Variants in PHACTR2 observed in about 807,000 individuals in gnomAD.
PHACTR2 encodes the protein phosphatase and actin regulator 2.
Under a neutral mutation model 76.0 loss-of-function variants are expected in PHACTR2, and 30 were observed. The observed-to-expected ratio is 0.39, with a 90% CI of 0.30 to 0.54. The LOEUF (loss-of-function observed/expected upper bound fraction) is 0.54, where lower values mean the gene tolerates loss of function less well. PHACTR2 is among the 20% of genes least tolerant of loss of function. The pLI is 0.61. For missense variants in PHACTR2, 696 were observed against 781.1 expected (o/e 0.89, Z 1.30); for synonymous variants, 292 against 292.5 (o/e 1.00, Z 0.02).
At chr6:143,579,352 A>T (rs1775548378) in intron 1 of PHACTR2, among the ~76,000 whole-genome samples, 1 of 152,188 alleles carries the variant, frequency 6.6e-6, no homozygotes, top group Non-Finnish European at 1.5e-5. Context: ...TTATGGGCCA[A>T]GAGAGGTCCT....
chr6:143,596,574 C>G lies in PHACTR2; in HGVS notation c.217+59367C>G, dbSNP rs533642700. Reference sequence around the variant, plus strand: ...AGCCATCAGGCCGGGCACTGTGGCTCATGCCTGTAATCCCAGCATTATGGG... The same window carrying G: ...AGCCATCAGGCCGGGCACTGTGGCTGATGCCTGTAATCCCAGCATTATGGG... On this transcript the variant is annotated intron_variant, in intron 1 of 11. Transcript: ENST00000367584. This position sits in a 1 kb window ranked among gnomAD's most constrained non-coding sequence, Gnocchi z 4.6. 6.6e-6 allele frequency among the ~76,000 whole-genome samples: 1 copy of G among 152,300 alleles called. No homozygotes were observed. Among genetic ancestry groups the G allele is most frequent in the East Asian group, 1.9e-4 (1 of 5,188 alleles).
upstream of PHACTR2, among the ~76,000 whole-genome samples, chr6:143,604,168 G>A (rs1375301026): frequency 6.6e-6 from 1 of 151,820 alleles, no homozygotes; most frequent in Non-Finnish European, 1.5e-5. Flanking sequence ...TGAATAGGGA[G>A]CAAGCTTTCT....
intron 2 of PHACTR2, among the ~76,000 whole-genome samples, chr6:143,727,583 C>T (rs940461477): frequency 9.6e-5 from 12 of 124,544 alleles, no homozygotes; most frequent in Admixed American, 7.3e-5. Context: ...TTACCAACAC[C>T]GTGTAAGAGT....
In PHACTR2 at chr6:143,633,835, AT is replaced by A. The variant is rs1776405411; in HGVS notation, c.13+25519del. On this transcript the variant is annotated intron_variant, in intron 1 of 11. Transcript: ENST00000305766. The surrounding 1 kb of genome is among the most constrained non-coding windows in gnomAD (Gnocchi z 4.1). The stretch of plus-strand genomic sequence containing the variant: ...TTTATAAAGGTCTCTGTCTAGATTC[AT>A]TTTTTCGCATTTAGATGTCCAGTTA... 6.6e-6 allele frequency among the ~76,000 whole-genome samples: 1 copy of A among 152,106 alleles called. No individual in the cohort carries two copies. The highest frequency in any genetic ancestry group is 2.4e-5 in the African/African-American group (1 of 41,434).
Position 143,610,328 on chromosome 6 carries a change from A to G in PHACTR2, c.13+2006A>G, listed in dbSNP as rs1023424354. ...AATCTGAAATAACTTGGAGCACTAC[A>G]GTTTCTCCAATTTAATTTAAAGAAG... is the stretch of plus-strand genomic sequence containing the variant. On this transcript the variant is annotated intron_variant, in intron 1 of 11. Coordinates refer to the PHACTR2 transcript ENST00000305766. This position sits in a 1 kb window ranked among gnomAD's most constrained non-coding sequence, Gnocchi z 4.9. Among the ~76,000 whole-genome samples the G allele has an allele frequency of 3.3e-5, 5 of 152,202 alleles. No homozygotes were observed. Among genetic ancestry groups the G allele is most frequent in the Non-Finnish European group, 7.3e-5 (5 of 68,036 alleles).
intron 2 of PHACTR2, among the ~76,000 whole-genome samples, chr6:143,745,703 C>A (rs1333018070): frequency 6.9e-6 from 1 of 144,028 alleles, no homozygotes; most frequent in Non-Finnish European, 1.6e-5. Context: ...AACATACTTT[C>A]CGTGCTCGGT....
Position 143,562,490 on chromosome 6 carries a change from T to G in PHACTR2, c.217+25283T>G, listed in dbSNP as rs974598714. Among the ~76,000 whole-genome samples the G allele has an allele frequency of 1.3e-5, 2 of 152,094 alleles. No homozygotes were observed. The highest frequency in any genetic ancestry group is 3.9e-4 in the East Asian group (2 of 5,158). ...CAGCACCAAGCCATGAGGAATCTGCTCCCATGACGCAAACACCTCCCACCA... is the reference window on the plus strand; with the variant it reads ...CAGCACCAAGCCATGAGGAATCTGCGCCCATGACGCAAACACCTCCCACCA... On this transcript the variant is annotated intron_variant, in intron 1 of 11. Coordinates refer to the PHACTR2 transcript ENST00000367584. The surrounding 1 kb of genome is among the most constrained non-coding windows in gnomAD (Gnocchi z 5.1).
At position 143,672,729 on chromosome 6, in the gene PHACTR2, A is replaced by G. The variant is rs1477140725; in HGVS notation, c.14-39287A>G. Among the ~76,000 whole-genome samples the G allele has an allele frequency of 6.6e-6, 1 of 151,690 alleles. No homozygotes were observed. The highest frequency in any genetic ancestry group is 1.5e-5 in the Non-Finnish European group (1 of 67,920). ...TTCTTTTTTATTTTTATTTTTATTT[A>G]TTTATTTCTTTTTGAGACAGAGTCT... On this transcript the variant is annotated intron_variant, in intron 1 of 11. Coordinates refer to the PHACTR2 transcript ENST00000305766. This position sits in a 1 kb window ranked among gnomAD's most constrained non-coding sequence, Gnocchi z 5.8.
intron 2 of PHACTR2, among the ~76,000 whole-genome samples, chr6:143,746,268 G>T (rs1428079852): frequency 6.6e-6 from 1 of 152,120 alleles, no homozygotes. Context: ...ACTGCCCAGG[G>T]TCACTCAACA....
At chr6:143,669,870 T>C (rs1336724851) in intron 1 of PHACTR2, among the ~76,000 whole-genome samples, 2 of 152,222 alleles carry the variant, frequency 1.3e-5, no homozygotes. Flanking sequence ...AATATTGTTA[T>C]GTGTGAATTT....
intron 11 of PHACTR2, among the ~76,000 whole-genome samples, chr6:143,790,474 G>A (rs375109646): frequency 2.3e-4 from 35 of 152,108 alleles, no homozygotes; most frequent in African/African-American, 7.5e-4. Flanking sequence ...CTAGGAAGTC[G>A]TATCTCATTG....
rs1054684192 is a variant in PHACTR2, at chr6:143,561,482, G to A, written c.217+24275G>A. 6.6e-6 allele frequency: 1 copy of A among 152,348 alleles called. No homozygotes were observed. Among genetic ancestry groups the A allele is most frequent in the Non-Finnish European group, 1.5e-5 (1 of 68,122 alleles). The allele number at this position is 152,348 out of a possible 1,614,324, so 9.4% of individuals were successfully genotyped here. On this transcript the variant is annotated intron_variant, in intron 1 of 11. Transcript: ENST00000367584. The surrounding 1 kb of genome is among the most constrained non-coding windows in gnomAD (Gnocchi z 4.1). Reference sequence around the variant, plus strand: ...TGAAGTCTCAGCCTTTTGGAGGAAGGCGTTGCAAGGTTAATACGGGCTGGT... The same window carrying A: ...TGAAGTCTCAGCCTTTTGGAGGAAGACGTTGCAAGGTTAATACGGGCTGGT...
chr6:143,610,520 A>T lies in PHACTR2; in HGVS notation c.13+2198A>T, dbSNP rs1298691183. 6.6e-6 allele frequency among the ~76,000 whole-genome samples: 1 copy of T among 152,206 alleles called. No individual in the cohort carries two copies. The highest frequency in any genetic ancestry group is 2.4e-5 in the African/African-American group (1 of 41,444). On this transcript the variant is annotated intron_variant, in intron 1 of 11. Coordinates refer to the PHACTR2 transcript ENST00000305766. The surrounding 1 kb of genome is among the most constrained non-coding windows in gnomAD (Gnocchi z 4.9). ...AGGCTTTCTGTGTGGGAGTTTGGAT[A>T]ATTGACAGGCAGAAGCACAGCAATG...
rs1279025960 is a variant in PHACTR2 at position 143,648,502 on chromosome 6, G to A, written c.13+40180G>A. Among the ~76,000 whole-genome samples, 1 of 152,190 alleles carries A rather than the reference G, an allele frequency of 6.6e-6. No homozygotes were observed. The highest frequency in any genetic ancestry group is 1.5e-5 in the Non-Finnish European group (1 of 68,036). ...CCAAACAAAGCATGGCTGATAGAAA[G>A]GGAAGCCTGCGATGGGTGGGTTGAG... is the stretch of plus-strand genomic sequence containing the variant. On this transcript the variant is annotated intron_variant, in intron 1 of 11. Coordinates refer to the PHACTR2 transcript ENST00000305766. This position sits in a 1 kb window ranked among gnomAD's most constrained non-coding sequence, Gnocchi z 6.7.
Position 143,602,716 on chromosome 6 carries a change from A to T in PHACTR2, c.217+65509A>T, listed in dbSNP as rs1775825618. On this transcript the variant is annotated intron_variant, in intron 1 of 11. Transcript: ENST00000367584. The surrounding 1 kb of genome is among the most constrained non-coding windows in gnomAD (Gnocchi z 6.1). ...TGGGGTGTTGTCCAAGTGTGGATTCACCAAACCACCTTGGCCAAAAGTCCA... is the reference window on the plus strand; with the variant it reads ...TGGGGTGTTGTCCAAGTGTGGATTCTCCAAACCACCTTGGCCAAAAGTCCA... Among the ~76,000 whole-genome samples the T allele has an allele frequency of 6.6e-6, 1 of 152,224 alleles. No homozygotes were observed. The highest frequency in any genetic ancestry group is 1.5e-5 in the Non-Finnish European group (1 of 68,030).
rs543257437 is a variant in PHACTR2 at position 143,562,702 on chromosome 6, A to G, written c.217+25495A>G. On this transcript the variant is annotated intron_variant, in intron 1 of 11. Coordinates refer to the PHACTR2 transcript ENST00000367584. The surrounding 1 kb of genome is among the most constrained non-coding windows in gnomAD (Gnocchi z 5.1). ...TCATTGTGAAAGAAAAAAGCACATTAAAGAACATATCTAAGGCATTGGAAA... is the reference window on the plus strand; with the variant it reads ...TCATTGTGAAAGAAAAAAGCACATTGAAGAACATATCTAAGGCATTGGAAA... Among the ~76,000 whole-genome samples, 1 of 152,352 alleles carries G rather than the reference A, an allele frequency of 6.6e-6. No homozygotes were observed. The highest frequency in any genetic ancestry group is 2.4e-5 in the African/African-American group (1 of 41,588).
intron 1 of PHACTR2, among the ~76,000 whole-genome samples, chr6:143,614,712 A>G (rs981598329): frequency 6.6e-6 from 1 of 152,144 alleles, no homozygotes; most frequent in African/African-American, 2.4e-5. Context: ...TGTGTCATCT[A>G]TGTCCAGGAT....
At chr6:143,644,858 C>T (rs1364899941) in intron 1 of PHACTR2, among the ~76,000 whole-genome samples, 1 of 151,194 alleles carries the variant, frequency 6.6e-6, no homozygotes, top group Non-Finnish European at 1.5e-5. Context: ...TATTGGGGAA[C>T]AGGTGGTGTT....
intron 1 of PHACTR2, among the ~76,000 whole-genome samples, chr6:143,632,798 C>A (rs961905682): frequency 6.6e-6 from 1 of 152,180 alleles, no homozygotes; most frequent in Non-Finnish European, 1.5e-5. Flanking sequence ...AACCACTGAC[C>A]TTTTTACTGT....
Sources: allele counts gnomAD v4.1 joint callset (sites outside exome capture counted in the v4.1 genomes callset), GRCh38; gene constraint gnomAD v4.1.1; non-coding constraint Gnocchi (gnomAD v3.1); transcripts MANE v1.5; gene names NCBI Gene and HGNC (gene_info 2026-07-23, HGNC 2026-07-21).